Variants in CACNA1I observed in about 807,000 individuals in gnomAD.
CACNA1I encodes the protein voltage-dependent T-type calcium channel subunit alpha-1I.
In CACNA1I, 74 loss-of-function variants were observed where a neutral mutation model predicts 201.6. That is an observed-to-expected ratio of 0.37 (90% confidence interval 0.30 to 0.45). The LOEUF (loss-of-function observed/expected upper bound fraction) is 0.45, where lower values mean the gene tolerates loss of function less well. Ranked by LOEUF, CACNA1I falls within the 20% of genes least tolerant of loss-of-function variation. CACNA1I has a pLI of 1.00. For missense variants in CACNA1I, 2,346 were observed against 3,138.1 expected (o/e 0.75, Z 6.03); for synonymous variants, 1,431 against 1,345.2 (o/e 1.06, Z -1.40).
In CACNA1I at chr22:39,674,102, G is replaced by A. The variant is rs1053048262; in HGVS notation, c.4854+69G>A. The A allele has an allele frequency of 3.5e-6, 5 of 1,447,844 alleles. No individual in the cohort carries two copies. In the Admixed American group the frequency reaches 6.9e-5, roughly 20 times the overall value. The allele number at this position is 1,447,844 out of a possible 1,614,324, so 89.7% of individuals were successfully genotyped here. Reference sequence around the variant, plus strand: ...GTCAGGCTGGGCCCTGGGGCATGAAGGCCCTGATTTCCCTTCTCCTCACAT... The same window carrying A: ...GTCAGGCTGGGCCCTGGGGCATGAAAGCCCTGATTTCCCTTCTCCTCACAT... On this transcript the variant is annotated intron_variant, in intron 29 of 36. Transcript: ENST00000402142.
chr22:39,679,765 C>G lies in CACNA1I; in HGVS notation c.5438C>G (p.Ser1813Cys). Residue 1813 changes from serine (S) to cysteine (C), a missense_variant, in exon 33 of 37, where the codon TCC (serine) becomes TGC (cysteine). By Grantham distance (112) the Ser-to-Cys change is moderately radical. Transcript: ENST00000402142. ...AGCGTCTCTTTAATCATCAAGGACT[C>G]CTTGGAGGGGGAGCTGACCATCATC... ...LDSVSLIIKD[S>C]LEGELTIIDN... The G allele has an allele frequency of 6.2e-7, 1 of 1,613,078 alleles. No individual in the cohort carries two copies. Among genetic ancestry groups the G allele is most frequent in the South Asian group, 1.1e-5 (1 of 90,914 alleles).
At chr22:39,588,826 G>T (rs571852385) in intron 1 of CACNA1I, among the ~76,000 whole-genome samples, 4 of 152,298 alleles carry the variant, frequency 2.6e-5, no homozygotes, top group South Asian at 4.1e-4. Context: ...CTTCACTGTA[G>T]ATTGGCTTCT....
chr22:39,624,633 G>T (rs534893991), intron 4 of CACNA1I, among the ~76,000 whole-genome samples: 1 of 152,172 alleles, frequency 6.6e-6, no homozygotes, highest in Non-Finnish European at 1.5e-5. Context: ...TGCGGGAGCC[G>T]CAGGCTGTTG....
intron 35 of CACNA1I, among the ~76,000 whole-genome samples, chr22:39,683,812 C>T (rs139951548): frequency 0.019 from 2,865 of 151,718 alleles, 79 homozygotes; most frequent in African/African-American, 0.063. Context: ...TCCAGTGTAG[C>T]GCCTGACCCG....
At chr22:39,610,719 T>C (rs1933363352) in intron 3 of CACNA1I, among the ~76,000 whole-genome samples, 1 of 152,160 alleles carries the variant, frequency 6.6e-6, no homozygotes, top group Non-Finnish European at 1.5e-5. Flanking sequence ...AAGATGTCTC[T>C]AGATGGTGTG....
rs556487293 is a variant in CACNA1I, at chr22:39,681,140, A to C, written c.5664+88A>C. The C allele has an allele frequency of 2.3e-5, 33 of 1,448,388 alleles. No homozygotes were observed. The Admixed American group carries it at 6.3e-4, about 28-fold the overall frequency. 89.7% of individuals were successfully genotyped at this position (1,448,388 alleles called of 1,614,324 possible). On this transcript the variant is annotated intron_variant, in intron 34 of 36. Coordinates refer to ENST00000402142, the MANE Select transcript of CACNA1I (RefSeq NM_021096.4). Reference sequence around the variant, plus strand: ...CCAGGCAGGACCCCCCTGTCTTTCCAGTCTACCATGTAAACGGCACCCACT... The same window carrying C: ...CCAGGCAGGACCCCCCTGTCTTTCCCGTCTACCATGTAAACGGCACCCACT...
chr22:39,574,077 G>A (rs187490374), intron 1 of CACNA1I, among the ~76,000 whole-genome samples: 46 of 152,270 alleles, frequency 3.0e-4, no homozygotes, highest in Non-Finnish European at 5.6e-4. Context: ...GAGATGTGGC[G>A]ACTCAAAAGC....
chr22:39,685,898 C>A lies in CACNA1I; in HGVS notation c.6165C>A (p.Pro2055=). 1 of 1,405,180 alleles carries A rather than the reference C, an allele frequency of 7.1e-7. No individual in the cohort carries two copies. Among genetic ancestry groups the A allele is most frequent in the Non-Finnish European group, 9.2e-7 (1 of 1,086,628 alleles). 87.0% of individuals were successfully genotyped at this position (1,405,180 alleles called of 1,614,324 possible). Residue 2055 remains proline, a synonymous_variant, in exon 37 of 37, where the codon CCC becomes CCA. Coordinates refer to ENST00000402142, the MANE Select transcript of CACNA1I (RefSeq NM_021096.4). The surrounding 1 kb of genome is among the most constrained non-coding windows in gnomAD (Gnocchi z 5.0). The part of the protein sequence containing the change: ...ALGPPAPAPG[P]RAGLSPAARR... ...GGCCGCCCGCGCCTGCTCCAGGACC[C>A]CGGGCCGGCCTGTCCCCCGCCGCTC... is the stretch of plus-strand genomic sequence containing the variant.
intron 16 of CACNA1I, 106 bp from the exon 17 acceptor site, chr22:39,661,859 G>C (rs755188326): frequency 2.1e-5 from 14 of 652,662 alleles, no homozygotes; most frequent in African/African-American, 3.9e-5. Context: ...CTGGCCAGGT[G>C]GGTGGTCTTA....
At chr22:39,664,986 C>T in intron 21 of CACNA1I, 63 bp downstream of exon 21, 1 of 1,501,838 alleles carries the variant, frequency 6.7e-7, no homozygotes, top group Non-Finnish European at 9.1e-7. Context: ...AGCCACGGGT[C>T]GAATTGGGCC....
intron 10 of CACNA1I, among the ~76,000 whole-genome samples, chr22:39,656,060 A>G (rs755464084): frequency 2.6e-5 from 4 of 152,046 alleles, no homozygotes; most frequent in Non-Finnish European, 5.9e-5. Flanking sequence ...AGTCCTCCCC[A>G]CCGAGGGTCC....
In CACNA1I at chr22:39,679,882, G is replaced by A. The variant is rs61351777; in HGVS notation, c.5541+14G>A. ...GACAAGCAAGAGGTAATGGCAGCCC[G>A]GGAGGCCTGGCCCCTTGTGGCAGGG... is the stretch of plus-strand genomic sequence containing the variant. On this transcript the variant is annotated intron_variant, in intron 33 of 36. Coordinates refer to ENST00000402142, the MANE Select transcript of CACNA1I (RefSeq NM_021096.4). 963 of 1,607,784 alleles carry A rather than the reference G, an allele frequency of 6.0e-4. 8 individuals are homozygous for A. In the African/African-American group the frequency reaches 0.011, roughly 18 times the overall value.
At chr22:39,585,877 C>T (rs1003243771) in intron 1 of CACNA1I, among the ~76,000 whole-genome samples, 1 of 151,222 alleles carries the variant, frequency 6.6e-6, no homozygotes, top group African/African-American at 2.4e-5. Flanking sequence ...TCCTACACTT[C>T]AATATTTAAA....
chr22:39,631,272 G>A (rs1207642347), intron 4 of CACNA1I, among the ~76,000 whole-genome samples: 2 of 152,180 alleles, frequency 1.3e-5, no homozygotes, highest in Non-Finnish European at 2.9e-5. Context: ...TGCTCTGGGC[G>A]CTCACCGGGC....
At chr22:39,602,573 G>A (rs1235159687) in intron 3 of CACNA1I, among the ~76,000 whole-genome samples, 1 of 152,012 alleles carries the variant, frequency 6.6e-6, no homozygotes, top group Non-Finnish European at 1.5e-5. Context: ...AAAAGAAAAG[G>A]TGTTTGGATA....
chr22:39,680,852 C>A, intron 33 of CACNA1I, 78 bp from the exon 34 acceptor site: 1 of 1,494,762 alleles, frequency 6.7e-7, no homozygotes, highest in Non-Finnish European at 9.0e-7. Flanking sequence ...GAGCCTCAGG[C>A]CTGTGGCTGC....
rs531378392 is a variant in CACNA1I at position 39,590,116 on chromosome 22, G to A, written c.237-8035G>A. Among the ~76,000 whole-genome samples the A allele has an allele frequency of 1.6e-4, 25 of 152,228 alleles. No individual in the cohort carries two copies. In the South Asian group the frequency reaches 5.0e-3, roughly 30 times the overall value. On this transcript the variant is annotated intron_variant, in intron 1 of 36. Transcript: ENST00000402142. ...GCTGCCCTGCAGGGCCTGCCCGGGC[G>A]CCGGGCACTGCCCCTCCACACGGTT...
chr22:39,593,909 G>A (rs958562586), intron 1 of CACNA1I, among the ~76,000 whole-genome samples: 1 of 152,192 alleles, frequency 6.6e-6, no homozygotes, highest in African/African-American at 2.4e-5. Flanking sequence ...TTCAAGTTGT[G>A]TTGGGCACAC....
Position 39,682,670 on chromosome 22 carries a change from TG to T in CACNA1I, c.5830+12del, listed in dbSNP as rs750689724. ...ACATGACAGCAGTCAAGGTGAGGGG[TG>T]GGAGCCCTGCCAGCTCCCCACAGCC... On this transcript the variant is annotated intron_variant, in intron 35 of 36. Coordinates refer to ENST00000402142, the MANE Select transcript of CACNA1I (RefSeq NM_021096.4). 1 of 1,608,814 alleles carries T rather than the reference TG, an allele frequency of 6.2e-7. No homozygotes were observed. Among genetic ancestry groups the T allele is most frequent in the South Asian group, 1.1e-5 (1 of 90,588 alleles).
Sources: gnomAD v4.1 joint callset for allele counts (sites outside exome capture counted in the v4.1 genomes callset) on GRCh38, gnomAD v4.1.1 for gene constraint, Gnocchi (gnomAD v3.1) non-coding constraint, MANE v1.5 for transcripts, NCBI Gene and HGNC (gene_info 2026-07-23, HGNC 2026-07-21) for gene names.